Variants in KIAA1191 observed in about 807,000 individuals in gnomAD.
KIAA1191 encodes the protein KIAA1191, also known as putative monooxygenase p33MONOX.
A neutral mutation model predicts 31.1 loss-of-function variants in KIAA1191; 22 were observed. The ratio of observed to expected loss-of-function variants is 0.71; its 90% CI spans 0.51 to 1.01. KIAA1191 has a LOEUF of 1.01. KIAA1191 is among the 50% of genes least tolerant of loss of function. KIAA1191 has a pLI of 0.00. For missense variants in KIAA1191, 319 were observed against 388.0 expected (o/e 0.82, Z 1.49); for synonymous variants, 130 against 143.9 (o/e 0.90, Z 0.69).
rs1171364865 is a variant in KIAA1191 at position 176,361,752 on chromosome 5, A to T, written c.-318T>A. On this transcript the variant is annotated 5_prime_UTR_variant, in exon 1 of 9. Coordinates refer to ENST00000298569, the MANE Select transcript of KIAA1191 (RefSeq NM_020444.5). This position sits in a 1 kb window ranked among gnomAD's most constrained non-coding sequence, Gnocchi z 4.0. The stretch of plus-strand genomic sequence containing the variant: ...ATTTCGAAGGTCCCCAAGACCCACT[A>T]GGTAGCAGTACCACCCAGCGGGCAG... 6.6e-6 allele frequency: 1 copy of T among 152,418 alleles called. No individual in the cohort carries two copies. The highest frequency in any genetic ancestry group is 2.1e-4 in the South Asian group (1 of 4,836). The allele number at this position is 152,418 out of a possible 1,614,324, so 9.4% of individuals were successfully genotyped here.
intron 7 of KIAA1191, 69 bp downstream of exon 7, chr5:176,348,181 C>T (rs1365054043): frequency 6.3e-6 from 10 of 1,597,144 alleles, no homozygotes; most frequent in Admixed American, 1.7e-5. Flanking sequence ...GGCTTAAATA[C>T]AACCTCATCT....
rs1825571048 is a variant in KIAA1191 at position 176,346,772 on chromosome 5, G to A, written c.*828C>T. The A allele has an allele frequency of 6.6e-6, 1 of 152,212 alleles. No individual in the cohort carries two copies. The highest frequency in any genetic ancestry group is 1.5e-5 in the Non-Finnish European group (1 of 68,048). The allele number at this position is 152,212 out of a possible 1,614,324, so 9.4% of individuals were successfully genotyped here. ...ACTCAAGGTTCAGCCTAGAAAGAGG[G>A]GTCCCTGCCAAGTCTGGCTTTTACC... is the stretch of plus-strand genomic sequence containing the variant. On this transcript the variant is annotated 3_prime_UTR_variant, in exon 9 of 9. Coordinates refer to ENST00000298569, the MANE Select transcript of KIAA1191 (RefSeq NM_020444.5).
chr5:176,352,885 G>A, intron 4 of KIAA1191, 137 bp from the exon 5 acceptor site: 1 of 891,236 alleles, frequency 1.1e-6, no homozygotes, highest in Non-Finnish European at 1.6e-6. Context: ...GGAGGAGTTG[G>A]TCATCTCCAC....
intron 3 of KIAA1191, chr5:176,356,044 G>A: frequency 3.0e-6 from 1 of 337,320 alleles, no homozygotes; most frequent in Non-Finnish European, 5.5e-6. Flanking sequence ...CACGATCACG[G>A]CTCACTGCAG....
intron 5 of KIAA1191, 65 bp from the exon 6 acceptor site, chr5:176,350,802 C>A: frequency 1.3e-6 from 2 of 1,583,886 alleles, no homozygotes; most frequent in South Asian, 1.1e-5. Flanking sequence ...AGGAGGACAA[C>A]ATGGATATCT....
rs1303880887 is a variant in KIAA1191, at chr5:176,355,119, G to A, written c.207+452C>T. Reference sequence around the variant, plus strand: ...AAGCACTGGGTAGGGGAGCTGGAGAGATGCAGGCAGGACTTAGATCACATG... The same window carrying A: ...AAGCACTGGGTAGGGGAGCTGGAGAAATGCAGGCAGGACTTAGATCACATG... On this transcript the variant is annotated intron_variant, in intron 4 of 8. Transcript: ENST00000298569. The surrounding 1 kb of genome is among the most constrained non-coding windows in gnomAD (Gnocchi z 4.2). Among the ~76,000 whole-genome samples, 1 of 152,158 alleles carries A rather than the reference G, an allele frequency of 6.6e-6. No homozygotes were observed. Among genetic ancestry groups the A allele is most frequent in the South Asian group, 2.1e-4 (1 of 4,830 alleles).
Position 176,361,289 on chromosome 5 carries a change from G to C in KIAA1191, c.-168+313C>G, listed in dbSNP as rs1767986758. Reference sequence around the variant, plus strand: ...AGGGCCAGGACCCTAGCCGAAGGCGGGGTGTGGGGAGATGAGGTTGAGGAC... The same window carrying C: ...AGGGCCAGGACCCTAGCCGAAGGCGCGGTGTGGGGAGATGAGGTTGAGGAC... On this transcript the variant is annotated intron_variant, in intron 1 of 8. Coordinates refer to ENST00000298569, the MANE Select transcript of KIAA1191 (RefSeq NM_020444.5). This position sits in a 1 kb window ranked among gnomAD's most constrained non-coding sequence, Gnocchi z 4.0. 2 of 152,538 alleles carry C rather than the reference G, an allele frequency of 1.3e-5. No individual in the cohort carries two copies. The highest frequency in any genetic ancestry group is 4.1e-4 in the South Asian group (2 of 4,840). 9.4% of individuals were successfully genotyped at this position (152,538 alleles called of 1,614,324 possible).
At chr5:176,350,516 G>A in intron 6 of KIAA1191, 97 bp downstream of exon 6, 1 of 1,459,118 alleles carries the variant, frequency 6.9e-7, no homozygotes, top group Non-Finnish European at 9.4e-7. Context: ...TAACTCCACA[G>A]CCCCCAACTA....
chr5:176,359,077 C>CT (rs1767754585), intron 3 of KIAA1191, among the ~76,000 whole-genome samples: 1 of 102,806 alleles, frequency 9.7e-6, no homozygotes, highest in Non-Finnish European at 1.9e-5. Context: ...GAGCAAGACT[C>CT]TGTCTCAAAA....
At position 176,348,156 on chromosome 5, in the gene KIAA1191, C is replaced by T. The variant is rs1300417425; in HGVS notation, c.567-93G>A. 5.0e-6 allele frequency: 8 copies of T among 1,592,828 alleles called. No homozygotes were observed. The East Asian group carries it at 1.6e-4, about 31-fold the overall frequency. On this transcript the variant is annotated intron_variant, in intron 7 of 8. Transcript: ENST00000298569. ...AAAAGAACAGGGAACTATCCCTTCT[C>T]CCTCTGAAACCACAGGCTTAAATAC...
intron 5 of KIAA1191, among the ~76,000 whole-genome samples, chr5:176,352,039 T>TA (rs1020778492): frequency 4.0e-4 from 60 of 149,342 alleles, no homozygotes; most frequent in African/African-American, 1.2e-3. Flanking sequence ...GTTATAAGGT[T>TA]AAAAAAAAAT....
chr5:176,347,785 G>C lies in KIAA1191; in HGVS notation c.733C>G (p.Arg245Gly), dbSNP rs1054413164. The C allele has an allele frequency of 5.6e-6, 9 of 1,601,010 alleles. No individual in the cohort carries two copies. Among genetic ancestry groups the C allele is most frequent in the Non-Finnish European group, 7.7e-6 (9 of 1,174,050 alleles). Reference sequence around the variant, plus strand: ...AATGGAGAGGGCTTCTGGGCTCCTCGGTAGGCCTGGGTGGCAAAACTTCCT... The same window carrying C: ...AATGGAGAGGGCTTCTGGGCTCCTCCGTAGGCCTGGGTGGCAAAACTTCCT... Reference protein sequence around the residue: ...DSGSFATQAYRGAQKPSPLEL... With the variant: ...DSGSFATQAYGGAQKPSPLEL... The change falls in exon 9 of 9, where the codon CGA becomes GGA. Residue 245 changes from arginine (R) to glycine (G), a missense_variant. Coordinates refer to ENST00000298569, the MANE Select transcript of KIAA1191 (RefSeq NM_020444.5).
rs1027529357 is a variant in KIAA1191 at position 176,361,596 on chromosome 5, G to C, written c.-168+6C>G. ...AAGGGAGGGCCCAGGCCCGCCATCT[G>C]TTCACCTGTGATCCTGCTGCCGCGG... On this transcript the variant is annotated splice_donor_region_variant and intron_variant, in intron 1 of 8. Coordinates refer to ENST00000298569, the MANE Select transcript of KIAA1191 (RefSeq NM_020444.5). This position sits in a 1 kb window ranked among gnomAD's most constrained non-coding sequence, Gnocchi z 4.0. 3.9e-5 allele frequency: 6 copies of C among 152,324 alleles called. No individual in the cohort carries two copies. Among genetic ancestry groups the C allele is most frequent in the African/African-American group, 1.4e-4 (6 of 41,470 alleles). 9.4% of individuals were successfully genotyped at this position (152,324 alleles called of 1,614,324 possible). A position where few individuals can be genotyped will look rare whatever the true frequency, so the allele number is the denominator to read the frequency against.
intron 3 of KIAA1191, among the ~76,000 whole-genome samples, chr5:176,357,443 C>T (rs1049643947): frequency 1.3e-5 from 2 of 152,270 alleles, no homozygotes; most frequent in African/African-American, 2.4e-5. Context: ...CTCAAACACA[C>T]ACACAAGCAA....
intron 6 of KIAA1191, 99 bp from the exon 7 acceptor site, chr5:176,348,455 G>A (rs1276851938): frequency 7.7e-6 from 6 of 778,734 alleles, no homozygotes; most frequent in Admixed American, 2.3e-5. Context: ...TCTAACTTTA[G>A]GCAGAAGACA....
At chr5:176,353,341 A>C (rs1168306252) in intron 4 of KIAA1191, 1 of 152,292 alleles carries the variant, frequency 6.6e-6, no homozygotes, top group Non-Finnish European at 1.5e-5. Context: ...AACAAACAAA[A>C]AAAATCTACT....
Position 176,355,626 on chromosome 5 carries a change from C to T in KIAA1191, c.152G>A (p.Gly51Asp). Residue 51 changes from glycine to aspartate, a missense_variant, in exon 4 of 9, where the codon GGC becomes GAC. Coordinates refer to ENST00000298569, the MANE Select transcript of KIAA1191 (RefSeq NM_020444.5). The surrounding 1 kb of genome is among the most constrained non-coding windows in gnomAD (Gnocchi z 4.2). ...AATCACTGGCTTCCAAGGGACGCTG[C>T]CCATGTCCGATGGAGGAGGAGTCAT... Reference protein sequence around the residue: ...APMTPPPSDMGSVPWKPVIPE... With the variant: ...APMTPPPSDMDSVPWKPVIPE... The T allele has an allele frequency of 6.2e-7, 1 of 1,612,522 alleles. No individual in the cohort carries two copies. The highest frequency in any genetic ancestry group is 8.5e-7 in the Non-Finnish European group (1 of 1,179,930).
At chr5:176,350,172 A>C (rs1433825033) in intron 6 of KIAA1191, among the ~76,000 whole-genome samples, 1 of 152,248 alleles carries the variant, frequency 6.6e-6, no homozygotes, top group Non-Finnish European at 1.5e-5. Context: ...GTCTTCACTG[A>C]AAGAAAGTCA....
At chr5:176,356,066 T>C (rs905759113) in intron 3 of KIAA1191, 7 of 297,678 alleles carry the variant, frequency 2.4e-5, no homozygotes, top group Admixed American at 5.3e-5. Context: ...CTCAACCTCC[T>C]GGGCTCAAGT....
Sources: allele counts gnomAD v4.1 joint callset (sites outside exome capture counted in the v4.1 genomes callset), GRCh38; gene constraint gnomAD v4.1.1; non-coding constraint Gnocchi (gnomAD v3.1); transcripts MANE v1.5; gene names NCBI Gene and HGNC (gene_info 2026-07-23, HGNC 2026-07-21).